The following ZNF10 variants were observed in gnomAD, a reference collection of about 807,000 sequenced individuals.
ZNF10 encodes the protein zinc finger protein 10 (KOX 1).
In ZNF10, 8 loss-of-function variants were observed where a neutral mutation model predicts 12.2. The ratio of observed to expected loss-of-function variants is 0.66; its 90% confidence interval spans 0.39 to 1.18. ZNF10 has a LOEUF of 1.18. Ranked by LOEUF, ZNF10 falls within the 50% of genes most tolerant of loss-of-function variation. The pLI, the probability that ZNF10 is intolerant of heterozygous loss-of-function variation, is 0.01. For missense variants in ZNF10, 603 were observed against 678.9 expected (o/e 0.89, Z 1.24); for synonymous variants, 229 against 228.2 (o/e 1.00, Z -0.03).
In ZNF10 at chr12:133,155,492, A is replaced by T; in HGVS notation, c.257-11A>T. On this transcript the variant is annotated splice_polypyrimidine_tract_variant and intron_variant, in intron 4 of 4. Coordinates refer to ENST00000248211, the MANE Select transcript of ZNF10 (RefSeq NM_015394.5). ...CTGTTTAGTTACACAAACATTTTTC[A>T]TTTCTTTCAGATTCAGAGACTGCAT... The T allele has an allele frequency of 6.4e-7, 1 of 1,562,632 alleles. No homozygotes were observed. Among genetic ancestry groups the T allele is most frequent in the Admixed American group, 2.0e-5 (1 of 49,656 alleles).
chr12:133,156,314 A>G lies in ZNF10; in HGVS notation c.1068A>G (p.Lys356=), dbSNP rs1179594981. 10 of 1,614,016 alleles carry G rather than the reference A, an allele frequency of 6.2e-6. No individual in the cohort carries two copies. Among genetic ancestry groups the G allele is most frequent in the Admixed American group, 1.7e-5 (1 of 59,990 alleles). ...TGTACACATGTAATCAGTGTGGGAA[A>G]TCTTTTGTTCATAGCTCTAGGCTTA... ...DKLYTCNQCG[K]SFVHSSRLIR... is the part of the protein sequence containing the mutation. The change falls in exon 5 of 5, where the codon AAA becomes AAG. Residue 356 remains lysine, a synonymous_variant. Transcript: ENST00000248211.
rs1956043315 is a variant in ZNF10 at position 133,156,580 on chromosome 12, G to A, written c.1334G>A (p.Ser445Asn). The A allele has an allele frequency of 6.2e-7, 1 of 1,613,518 alleles. No individual in the cohort carries two copies. Among genetic ancestry groups the A allele is most frequent in the East Asian group, 2.2e-5 (1 of 44,888 alleles). ...GATTGTGGAAAATGTTTTAGTCGAA[G>A]CTCTCACCTTTATTCACATCAAAGA... ...CKDCGKCFSR[S>N]SHLYSHQRTH... Residue 445 changes from serine to asparagine, a missense_variant, in exon 5 of 5, where the codon AGC becomes AAC. Ser to Asn is a conservative substitution (Grantham distance 46). Transcript: ENST00000248211.
In ZNF10 at chr12:133,159,397, A is replaced by G. The variant is rs1956059984; in HGVS notation, c.*2429A>G. The G allele has an allele frequency of 6.6e-6, 1 of 152,264 alleles. No homozygotes were observed. Among genetic ancestry groups the G allele is most frequent in the Admixed American group, 6.5e-5 (1 of 15,288 alleles). 9.4% of individuals were successfully genotyped at this position (152,264 alleles called of 1,614,324 possible). A position where few individuals can be genotyped will look rare whatever the true frequency, so the allele number is the denominator to read the frequency against. On this transcript the variant is annotated 3_prime_UTR_variant, in exon 5 of 5. Transcript: ENST00000248211. ...CTGTCATGTGTTACAAAAGCATGAT[A>G]AATAATTGTTAATATGGAATAAGCT... is the stretch of plus-strand genomic sequence containing the variant.
Position 133,156,273 on chromosome 12 carries a change from C to T in ZNF10, c.1027C>T (p.His343Tyr). ...FSHLVTHQRTHTGDKLYTCNQ... is the reference protein window; with the variant it reads ...FSHLVTHQRTYTGDKLYTCNQ... ...TCACCTTGTTACTCATCAGAGAACT[C>T]ATACAGGAGACAAACTGTACACATG... Residue 343 changes from histidine to tyrosine, a missense_variant, in exon 5 of 5, where the codon CAT (histidine) becomes TAT (tyrosine). This residue lies in a region of ZNF10 where 393 missense variants were observed against 399.7 expected (regional missense o/e 0.98). Transcript: ENST00000248211. The T allele has an allele frequency of 6.2e-7, 1 of 1,614,120 alleles. No homozygotes were observed. Among genetic ancestry groups the T allele is most frequent in the Non-Finnish European group, 8.5e-7 (1 of 1,180,016 alleles).
chr12:133,148,411 A>G (rs912499628), intron 2 of ZNF10, among the ~76,000 whole-genome samples: 13 of 152,256 alleles, frequency 8.5e-5, no homozygotes, highest in Non-Finnish European at 1.6e-4. Flanking sequence ...GTGAGCCACC[A>G]TGCCTGACCT....
At chr12:133,131,218 G>GT (rs1222821252) in intron 1 of ZNF10, among the ~76,000 whole-genome samples, 4 of 151,528 alleles carry the variant, frequency 2.6e-5, no homozygotes, top group African/African-American at 9.7e-5. Context: ...TCTTTGTTTT[G>GT]TTTTTTAATC....
At chr12:133,152,608 G>A (rs1239568616) in intron 4 of ZNF10, among the ~76,000 whole-genome samples, 1 of 152,140 alleles carries the variant, frequency 6.6e-6, no homozygotes, top group Non-Finnish European at 1.5e-5. Context: ...GAGAGATAGG[G>A]TTTTACCATG....
rs1956046037 is a variant in ZNF10 at position 133,156,885 on chromosome 12, T to C, written c.1639T>C (p.Cys547Arg). ...TCACACTGGAGAGCAGTTCTTAACA[T>C]GCAATCAATGTGGGACAGCGCTTGT... is the stretch of plus-strand genomic sequence containing the variant. The part of the protein sequence containing the change: ...IAHTGEQFLT[C>R]NQCGTALVNT... The change falls in exon 5 of 5, where the codon TGC becomes CGC. Residue 547 changes from cysteine (C) to arginine (R), a missense_variant. This residue lies in a region of ZNF10 where 204 missense variants were observed against 262.8 expected (regional missense o/e 0.78). Coordinates refer to ENST00000248211, the MANE Select transcript of ZNF10 (RefSeq NM_015394.5). 6.6e-7 allele frequency: 1 copy of C among 1,517,992 alleles called. No homozygotes were observed. Among genetic ancestry groups the C allele is most frequent in the Non-Finnish European group, 8.8e-7 (1 of 1,135,336 alleles). The allele number at this position is 1,517,992 out of a possible 1,614,324, so 94.0% of individuals were successfully genotyped here.
intron 4 of ZNF10, among the ~76,000 whole-genome samples, chr12:133,154,820 T>C (rs888294241): frequency 6.6e-6 from 1 of 152,226 alleles, no homozygotes. Context: ...CTCACGCCTA[T>C]AATCCCAGCA....
At chr12:133,140,727 A>G (rs1385841782) in intron 1 of ZNF10, among the ~76,000 whole-genome samples, 1 of 152,110 alleles carries the variant, frequency 6.6e-6, no homozygotes, top group African/African-American at 2.4e-5. Flanking sequence ...ACTAAATTTG[A>G]CTATTTCCTA....
At chr12:133,142,317 C>T (rs933725082) in intron 1 of ZNF10, among the ~76,000 whole-genome samples, 3 of 144,018 alleles carry the variant, frequency 2.1e-5, no homozygotes, top group Admixed American at 7.3e-5. Context: ...GGCTGAGGCA[C>T]AAGAATTGCT....
intron 1 of ZNF10, among the ~76,000 whole-genome samples, chr12:133,132,740 A>T (rs1362061668): frequency 6.6e-6 from 1 of 152,114 alleles, no homozygotes; most frequent in East Asian, 1.9e-4. Context: ...AACATCCAAG[A>T]GCATTATTTT....
chr12:133,138,446 G>A (rs1274240359), intron 1 of ZNF10, among the ~76,000 whole-genome samples: 1 of 151,342 alleles, frequency 6.6e-6, no homozygotes, highest in African/African-American at 2.4e-5. Flanking sequence ...TAGCTGCTTG[G>A]GAGGATCACT....
chr12:133,148,159 C>T (rs1043233219), intron 2 of ZNF10, among the ~76,000 whole-genome samples: 4 of 151,998 alleles, frequency 2.6e-5, no homozygotes, highest in African/African-American at 7.3e-5. Flanking sequence ...CTCATTCTCT[C>T]GTCTAGGCTG....
rs529944066 is a variant in ZNF10 at position 133,147,963 on chromosome 12, C to G, written c.34-3065C>G. On this transcript the variant is annotated intron_variant, in intron 2 of 4. Transcript: ENST00000248211. ...AGCCTCTTACTGAGTTTTGAGGGTT[C>G]TCTGTACCTTATATGTACAAGTCCT... is the stretch of plus-strand genomic sequence containing the variant. Among the ~76,000 whole-genome samples the G allele has an allele frequency of 4.0e-5, 6 of 151,826 alleles. No individual in the cohort carries two copies. In the East Asian group the frequency reaches 1.2e-3, roughly 30 times the overall value.
intron 4 of ZNF10, among the ~76,000 whole-genome samples, chr12:133,152,209 C>G (rs958031755): frequency 1.3e-5 from 2 of 152,184 alleles, no homozygotes; most frequent in African/African-American, 4.8e-5. Context: ...ATTTTTGCCT[C>G]TCTTTGTTCT....
At position 133,141,455 on chromosome 12, in the gene ZNF10, GTTATAAC is replaced by G. The variant is rs1437491789; in HGVS notation, c.-59-2977_-59-2971del. Reference sequence around the variant, plus strand: ...AGCAGAGGAGGATAGTAAAACATTAGTTATAACTGTATTTCGTATTGCTAAGAAGGTA... The same window carrying G: ...AGCAGAGGAGGATAGTAAAACATTAGTGTATTTCGTATTGCTAAGAAGGTA... On this transcript the variant is annotated intron_variant, in intron 1 of 4. Coordinates refer to ENST00000248211, the MANE Select transcript of ZNF10 (RefSeq NM_015394.5). 2.0e-5 allele frequency among the ~76,000 whole-genome samples: 3 copies of G among 152,156 alleles called. No homozygotes were observed. In the East Asian group the frequency reaches 5.8e-4, roughly 29 times the overall value.
At chr12:133,141,232 A>G (rs534246816) in intron 1 of ZNF10, among the ~76,000 whole-genome samples, 1 of 152,198 alleles carries the variant, frequency 6.6e-6, no homozygotes, top group Non-Finnish European at 1.5e-5. Context: ...CTGTTTGCAA[A>G]TAACCTAACC....
chr12:133,132,518 CA>C (rs199798071), intron 1 of ZNF10, among the ~76,000 whole-genome samples: 2 of 149,274 alleles, frequency 1.3e-5, no homozygotes, highest in African/African-American at 2.5e-5. Context: ...AACTCCGTCT[CA>C]AAAAAAAAGT....
Sources: gnomAD v4.1 joint callset for allele counts (sites outside exome capture counted in the v4.1 genomes callset) on GRCh38, gnomAD v4.1.1 for gene constraint, gnomAD v4.1.1 regional missense constraint, MANE v1.5 for transcripts, NCBI Gene and HGNC (gene_info 2026-07-23, HGNC 2026-07-21) for gene names.